ACCSL: variants seen among roughly 807,000 people sequenced by gnomAD.
The protein encoded by ACCSL is 1-aminocyclopropane-1-carboxylate synthase homolog (inactive) like, also known as probable inactive 1-aminocyclopropane-1-carboxylate synthase-like protein 2.
Under a neutral mutation model 61.7 loss-of-function variants are expected in ACCSL, and 55 were observed. The ratio of observed to expected loss-of-function variants is 0.89; its 90% CI spans 0.72 to 1.12. The LOEUF is 1.12. Among genes scored for constraint, ACCSL ranks in the 50% most tolerant of loss-of-function variants. The pLI, the probability that ACCSL is intolerant of heterozygous loss-of-function variation, is 0.00. For missense variants in ACCSL, 632 were observed against 698.0 expected, an observed-to-expected ratio of 0.91 and a Z score of 1.07; for synonymous variants, 258 against 264.3, an observed-to-expected ratio of 0.98 and a Z score of 0.23.
At chr11:44,040,794 T>C in the ACCSL span, among the ~76,000 whole-genome samples, 36 of 152,138 alleles carry the variant, frequency 2.4e-4, no homozygotes, top group East Asian at 1.7e-3. Context: ...GGGTCCCTCA[T>C]GGACTTAGGT....
At chr11:44,008,602 A>G in the ACCSL span, among the ~76,000 whole-genome samples, 1 of 152,248 alleles carries the variant, frequency 6.6e-6, no homozygotes, top group African/African-American at 2.4e-5. Flanking sequence ...TATGACCGCG[A>G]AGCATAGTCT....
At chr11:44,029,754 T>C in the ACCSL span, among the ~76,000 whole-genome samples, 1 of 152,108 alleles carries the variant, frequency 6.6e-6, no homozygotes, top group Non-Finnish European at 1.5e-5. Flanking sequence ...CATCCTTGCC[T>C]GATTGCTTGG....
the ACCSL span, among the ~76,000 whole-genome samples, chr11:43,936,680 C>T: frequency 6.6e-6 from 1 of 152,160 alleles, no homozygotes; most frequent in Non-Finnish European, 1.5e-5. Flanking sequence ...CTGTGTTCTC[C>T]TTACCTGATG....
chr11:43,948,532 G>A, the ACCSL span, among the ~76,000 whole-genome samples: 1 of 152,132 alleles, frequency 6.6e-6, no homozygotes, highest in African/African-American at 2.4e-5. Flanking sequence ...GGAGCGCAGT[G>A]GAGCAATCTT....
At chr11:43,997,372 G>T in the ACCSL span, among the ~76,000 whole-genome samples, 1 of 152,016 alleles carries the variant, frequency 6.6e-6, no homozygotes, top group Non-Finnish European at 1.5e-5. Flanking sequence ...CTCCTGCCTC[G>T]CGATCCTCTG....
chr11:43,925,739 C>T, the ACCSL span, among the ~76,000 whole-genome samples: 1 of 152,120 alleles, frequency 6.6e-6, no homozygotes, highest in Non-Finnish European at 1.5e-5. Flanking sequence ...GTCAGGTGGA[C>T]CCAGGGTTGA....
the ACCSL span, among the ~76,000 whole-genome samples, chr11:44,034,223 T>C: frequency 6.6e-6 from 1 of 152,208 alleles, no homozygotes; most frequent in Non-Finnish European, 1.5e-5. Context: ...TGGGTCTTCA[T>C]GAGCAGTGTG....
At chr11:43,955,433 A>G in the ACCSL span, among the ~76,000 whole-genome samples, 1 of 152,234 alleles carries the variant, frequency 6.6e-6, no homozygotes, top group Non-Finnish European at 1.5e-5. Context: ...TGCACAGACG[A>G]GACCAATTCA....
the ACCSL span, among the ~76,000 whole-genome samples, chr11:43,935,816 C>T: frequency 6.6e-6 from 1 of 152,152 alleles, no homozygotes; most frequent in Non-Finnish European, 1.5e-5. Context: ...CTGTGTCCTT[C>T]CTCTGTAGCC....
chr11:43,934,517 G>T, the ACCSL span, among the ~76,000 whole-genome samples: 1 of 152,162 alleles, frequency 6.6e-6, no homozygotes, highest in African/African-American at 2.4e-5. Context: ...AGCGGTGGCT[G>T]GGCCAAACAC....
the ACCSL span, among the ~76,000 whole-genome samples, chr11:44,031,096 G>A: frequency 8.5e-5 from 13 of 152,138 alleles, no homozygotes; most frequent in African/African-American, 3.1e-4. Flanking sequence ...GTGACCCAAG[G>A]CAGCCTGCTT....
chr11:44,008,470 G>A, the ACCSL span, among the ~76,000 whole-genome samples: 235 of 152,352 alleles, frequency 1.5e-3, no homozygotes, highest in African/African-American at 5.6e-3. Flanking sequence ...CTGCCCCACA[G>A]GGGCTGTCCT....
the ACCSL span, among the ~76,000 whole-genome samples, chr11:44,033,591 A>G: frequency 6.6e-6 from 1 of 152,242 alleles, no homozygotes; most frequent in Admixed American, 6.5e-5. Flanking sequence ...GAGTTCTTAA[A>G]GGGGGCCCCT....
chr11:43,974,362 C>A, the ACCSL span, among the ~76,000 whole-genome samples: 2 of 152,192 alleles, frequency 1.3e-5, no homozygotes, highest in Admixed American at 6.5e-5. Flanking sequence ...ACATATCACT[C>A]TTTATCTCTA....
chr11:44,046,966 A>G (rs1327286437), upstream of ACCSL, among the ~76,000 whole-genome samples: 1 of 152,174 alleles, frequency 6.6e-6, no homozygotes, highest in African/African-American at 2.4e-5. Flanking sequence ...GCAGTAAGCC[A>G]TAATCATGCC....
the ACCSL span, among the ~76,000 whole-genome samples, chr11:43,946,498 A>G: frequency 2.0e-5 from 3 of 152,262 alleles, no homozygotes; most frequent in East Asian, 3.9e-4. Flanking sequence ...CCACCCAGAG[A>G]TAAATAAGTT....
the ACCSL span, among the ~76,000 whole-genome samples, chr11:44,001,801 G>GTA: frequency 2.0e-5 from 3 of 149,440 alleles, no homozygotes; most frequent in African/African-American, 7.4e-5. Flanking sequence ...GTGTGTGTGT[G>GTA]TGTGTGTGTG....
chr11:43,934,996 C>G, the ACCSL span, among the ~76,000 whole-genome samples: 1 of 152,130 alleles, frequency 6.6e-6, no homozygotes, highest in Non-Finnish European at 1.5e-5. Context: ...TTCCATCTCC[C>G]CACCCCATCT....
the ACCSL span, among the ~76,000 whole-genome samples, chr11:44,024,516 A>G: frequency 6.7e-6 from 1 of 149,412 alleles, no homozygotes; most frequent in South Asian, 2.1e-4. Flanking sequence ...TCTCTGGACA[A>G]CCCTAACTAA....
Sources: allele counts gnomAD v4.1 joint callset (sites outside exome capture counted in the v4.1 genomes callset), GRCh38; gene constraint gnomAD v4.1.1; transcripts MANE v1.5; gene names NCBI Gene and HGNC (gene_info 2026-07-23, HGNC 2026-07-21).